PIK3C2G: variants seen among roughly 807,000 people sequenced by gnomAD.
PIK3C2G encodes the protein phosphatidylinositol 3-kinase C2 domain-containing subunit gamma.
In PIK3C2G, 168 loss-of-function variants were observed where a neutral mutation model predicts 181.1. That is an observed-to-expected ratio of 0.93 (90% CI 0.82 to 1.05). The LOEUF (loss-of-function observed/expected upper bound fraction) is 1.05, where lower values mean the gene tolerates loss of function less well. Ranked by LOEUF, PIK3C2G falls within the 50% of genes least tolerant of loss-of-function variation. PIK3C2G has a pLI of 0.00. For synonymous variants in PIK3C2G, 573 were observed against 592.2 expected, an observed-to-expected ratio of 0.97 and a Z score of 0.47; for missense variants, 1,869 against 1,732.8, an observed-to-expected ratio of 1.08 and a Z score of -1.40.
chr12:18,420,669 T>C (rs1040474747), intron 16 of PIK3C2G, among the ~76,000 whole-genome samples: 1 of 152,098 alleles, frequency 6.6e-6, no homozygotes, highest in Admixed American at 6.6e-5. Context: ...TTATCCATAA[T>C]CCACATTTTA....
chr12:18,621,516 G>A (rs1279821898), intron 31 of PIK3C2G, among the ~76,000 whole-genome samples: 2 of 151,588 alleles, frequency 1.3e-5, no homozygotes, highest in African/African-American at 4.8e-5. Flanking sequence ...TCAAGTCAAA[G>A]ATTAAATATG....
At chr12:18,563,256 T>G in intron 27 of PIK3C2G, 121 bp from the exon 28 acceptor site, 1 of 875,702 alleles carries the variant, frequency 1.1e-6, no homozygotes, top group Non-Finnish European at 1.7e-6. Flanking sequence ...ATCTCCTAGC[T>G]TTTATGATAA....
At chr12:18,383,774 C>A (rs188729046) in intron 14 of PIK3C2G, among the ~76,000 whole-genome samples, 1 of 150,910 alleles carries the variant, frequency 6.6e-6, no homozygotes, top group Non-Finnish European at 1.5e-5. Flanking sequence ...ACAGGAAGAT[C>A]GGATATGTGA....
At chr12:18,429,716 C>T (rs936003813) in intron 18 of PIK3C2G, among the ~76,000 whole-genome samples, 3 of 152,062 alleles carry the variant, frequency 2.0e-5, no homozygotes, top group African/African-American at 7.2e-5. Context: ...ATTATGAATC[C>T]ACAGAAATGT....
At chr12:18,393,908 C>CT (rs1943700652) in intron 15 of PIK3C2G, among the ~76,000 whole-genome samples, 1 of 152,088 alleles carries the variant, frequency 6.6e-6, no homozygotes, top group Admixed American at 6.6e-5. Context: ...GCTGAGGCAG[C>CT]TGGCATCTTC....
chr12:18,244,690 C>T (rs540429008), upstream of PIK3C2G, among the ~76,000 whole-genome samples: 5 of 152,196 alleles, frequency 3.3e-5, no homozygotes, highest in South Asian at 1.0e-3. Context: ...TGCTATCAAG[C>T]TGCTTCCAAA....
intron 24 of PIK3C2G, among the ~76,000 whole-genome samples, chr12:18,510,191 C>T (rs759455876): frequency 2.8e-4 from 42 of 152,074 alleles, no homozygotes; most frequent in Admixed American, 1.0e-3. Context: ...GGCTGGTCTT[C>T]AACTCCTAGG....
chr12:18,442,609 G>A (rs912948118), intron 18 of PIK3C2G, among the ~76,000 whole-genome samples: 1 of 152,066 alleles, frequency 6.6e-6, no homozygotes, highest in Non-Finnish European at 1.5e-5. Flanking sequence ...TACAAATATA[G>A]AGAGGCTAAA....
intron 16 of PIK3C2G, among the ~76,000 whole-genome samples, chr12:18,405,439 A>T (rs1317110767): frequency 7.4e-6 from 1 of 135,568 alleles, no homozygotes; most frequent in Non-Finnish European, 1.6e-5. Flanking sequence ...GTTGTTGTTG[A>T]GATGGAGTCT....
chr12:18,474,009 A>G (rs1191624060), intron 18 of PIK3C2G, among the ~76,000 whole-genome samples: 4 of 152,180 alleles, frequency 2.6e-5, no homozygotes, highest in African/African-American at 9.6e-5. Flanking sequence ...AAAATGAGCC[A>G]CACAGCAAAA....
intron 5 of PIK3C2G, among the ~76,000 whole-genome samples, chr12:18,309,710 T>C (rs1243057792): frequency 6.6e-6 from 1 of 151,798 alleles, no homozygotes; most frequent in African/African-American, 2.4e-5. Context: ...AAATTAATAA[T>C]TTTTACCATT....
At chr12:18,691,426 T>G in the PIK3C2G span, among the ~76,000 whole-genome samples, 1 of 152,136 alleles carries the variant, frequency 6.6e-6, no homozygotes, top group Non-Finnish European at 1.5e-5. Context: ...TTGTTGGTGG[T>G]GAAACTATGA....
intron 30 of PIK3C2G, among the ~76,000 whole-genome samples, chr12:18,596,439 A>G (rs1947366214): frequency 6.6e-6 from 1 of 152,062 alleles, no homozygotes; most frequent in Non-Finnish European, 1.5e-5. Flanking sequence ...GATCCTATAT[A>G]TTCTCCCAAA....
the PIK3C2G span, among the ~76,000 whole-genome samples, chr12:18,709,829 A>G: frequency 6.6e-6 from 1 of 151,992 alleles, no homozygotes; most frequent in Non-Finnish European, 1.5e-5. Flanking sequence ...TGTGTCTCCA[A>G]TTTCTTTCAT....
intron 6 of PIK3C2G, among the ~76,000 whole-genome samples, chr12:18,319,677 C>A (rs561287411): frequency 7.2e-5 from 11 of 152,166 alleles, no homozygotes; most frequent in African/African-American, 1.7e-4. Flanking sequence ...TCTTTATATT[C>A]TTGCTTTGGT....
At chr12:18,327,233 C>T (rs1234506176) in intron 8 of PIK3C2G, among the ~76,000 whole-genome samples, 1 of 152,010 alleles carries the variant, frequency 6.6e-6, no homozygotes, top group Non-Finnish European at 1.5e-5. Flanking sequence ...TATGAAACAT[C>T]AATAGTAAAT....
intron 18 of PIK3C2G, among the ~76,000 whole-genome samples, chr12:18,467,864 T>TA (rs1390791226): frequency 2.0e-5 from 3 of 151,984 alleles, no homozygotes; most frequent in African/African-American, 7.2e-5. Context: ...ACATGCCCAA[T>TA]AACCTAAAGC....
intron 31 of PIK3C2G, among the ~76,000 whole-genome samples, chr12:18,615,406 A>G (rs1592720751): frequency 1.3e-5 from 2 of 149,550 alleles, no homozygotes; most frequent in African/African-American, 2.5e-5. Context: ...GTATTACTCA[A>G]TGGTCACACC....
chr12:18,525,417 A>G (rs1034027571), intron 24 of PIK3C2G, among the ~76,000 whole-genome samples: 1 of 152,104 alleles, frequency 6.6e-6, no homozygotes, highest in African/African-American at 2.4e-5. Flanking sequence ...TGTATATCGA[A>G]GTTCATAAAT....
Sources: gnomAD v4.1 joint callset for allele counts (sites outside exome capture counted in the v4.1 genomes callset) on GRCh38, gnomAD v4.1.1 for gene constraint, MANE v1.5 for transcripts, NCBI Gene and HGNC (gene_info 2026-07-23, HGNC 2026-07-21) for gene names.